Variants in TUBGCP5 observed in about 807,000 individuals in gnomAD.
TUBGCP5 encodes the protein gamma-tubulin complex component 5.
TUBGCP5 carries 98 observed loss-of-function variants against 134.7 expected under a neutral mutation model. The observed-to-expected ratio is 0.73, with a 90% CI of 0.62 to 0.86. The LOEUF (loss-of-function observed/expected upper bound fraction) is 0.86. TUBGCP5 is among the 40% of genes least tolerant of loss of function. The probability of loss-of-function intolerance (pLI) is 0.00; values close to 1 mark genes in which losing one functional copy is unlikely to be tolerated. For synonymous variants in TUBGCP5, 456 were observed against 431.4 expected (o/e 1.06, Z -0.71); for missense variants, 1,150 against 1,244.8 (o/e 0.92, Z 1.15).
intron 15 of TUBGCP5, among the ~76,000 whole-genome samples, chr15:23,009,413 C>A (rs540039471): frequency 6.6e-6 from 1 of 151,872 alleles, no homozygotes; most frequent in Admixed American, 6.6e-5. Flanking sequence ...GGACTACAGG[C>A]GCCCGGCACC....
In TUBGCP5 at chr15:23,004,097, T is replaced by C. The variant is rs373964520; in HGVS notation, c.2838+5A>G. On this transcript the variant is annotated splice_donor_5th_base_variant and intron_variant, in intron 20 of 22. Transcript: ENST00000615383. ...GGCCACATCTGCAGGAGACATCTCA[T>C]GTACCTTTTCTCTCAGCAGACACCG... 81 of 1,607,226 alleles carry C rather than the reference T, an allele frequency of 5.0e-5. No homozygotes were observed. The African/African-American group carries it at 9.4e-4, about 19-fold the overall frequency.
In TUBGCP5 at chr15:22,999,782, G is replaced by A. The variant is rs1218968116; in HGVS notation, c.*38C>T. On this transcript the variant is annotated 3_prime_UTR_variant, in exon 23 of 23. Transcript: ENST00000615383. ...GCACATGGTGGAAATGTACATGTAT[G>A]ATGACAAAGTCGGAGATATTTATTA... 2 of 1,600,726 alleles carry A rather than the reference G, an allele frequency of 1.2e-6. No homozygotes were observed. Among genetic ancestry groups the A allele is most frequent in the African/African-American group, 1.3e-5 (1 of 74,624 alleles).
Position 22,999,809 on chromosome 15 carries a change from G to T in TUBGCP5, c.*11C>A, listed in dbSNP as rs146068854. On this transcript the variant is annotated 3_prime_UTR_variant, in exon 23 of 23. Transcript: ENST00000615383. Reference sequence around the variant, plus strand: ...TGACAAAGTCGGAGATATTTATTACGCTGAAGACATTTAACTTTGTTCCAT... The same window carrying T: ...TGACAAAGTCGGAGATATTTATTACTCTGAAGACATTTAACTTTGTTCCAT... The T allele has an allele frequency of 3.1e-6, 5 of 1,612,158 alleles. No individual in the cohort carries two copies. Among genetic ancestry groups the T allele is most frequent in the East Asian group, 2.2e-5 (1 of 44,870 alleles).
chr15:23,009,853 A>G (rs2064933155), intron 15 of TUBGCP5, 92 bp downstream of exon 15: 2 of 1,175,984 alleles, frequency 1.7e-6, no homozygotes, highest in Non-Finnish European at 2.3e-6. Context: ...TTCCTACTCT[A>G]ATAAAAATTG....
At chr15:23,005,362 A>G in intron 19 of TUBGCP5, 70 bp downstream of exon 19, 1 of 1,514,426 alleles carries the variant, frequency 6.6e-7, no homozygotes, top group South Asian at 1.3e-5. Context: ...TAAACATAGT[A>G]TGAGTAATTC....
chr15:23,028,202 G>C (rs1377302786), intron 6 of TUBGCP5, among the ~76,000 whole-genome samples: 2 of 151,844 alleles, frequency 1.3e-5, no homozygotes, highest in Non-Finnish European at 2.9e-5. Flanking sequence ...AACATAGTGA[G>C]ACCTCATCTC....
chr15:23,032,715 T>C lies in TUBGCP5; in HGVS notation c.406+13A>G, dbSNP rs771697326. On this transcript the variant is annotated intron_variant, in intron 4 of 22. Transcript: ENST00000615383. ...CTTTTACTTCTCATATGTTAAGGAA[T>C]CTAGTAACATACCCACTTCTTTATT... 6.5e-7 allele frequency: 1 copy of C among 1,529,010 alleles called. No individual in the cohort carries two copies. Among genetic ancestry groups the C allele is most frequent in the South Asian group, 1.3e-5 (1 of 79,302 alleles). The allele number at this position is 1,529,010 out of a possible 1,614,324, so 94.7% of individuals were successfully genotyped here. A position where few individuals can be genotyped will look rare whatever the true frequency, so the allele number is the denominator to read the frequency against.
In TUBGCP5 at chr15:23,023,933, A is replaced by G. The variant is rs760764800; in HGVS notation, c.1168+14T>C. On this transcript the variant is annotated intron_variant, in intron 10 of 22. Coordinates refer to ENST00000615383, the MANE Select transcript of TUBGCP5 (RefSeq NM_052903.6). The stretch of plus-strand genomic sequence containing the variant: ...TTACGTGTAGTATGAGTAAAGATGA[A>G]GAACATTTAATACCATTATTGATGA... 6.2e-7 allele frequency: 1 copy of G among 1,612,168 alleles called. No individual in the cohort carries two copies. Among genetic ancestry groups the G allele is most frequent in the East Asian group, 2.2e-5 (1 of 44,862 alleles).
At chr15:23,022,418 A>AAT (rs1174481777) in intron 10 of TUBGCP5, among the ~76,000 whole-genome samples, 1 of 152,250 alleles carries the variant, frequency 6.6e-6, no homozygotes, top group Non-Finnish European at 1.5e-5. Context: ...AGTGATTCTA[A>AAT]AACATACAGA....
intron 3 of TUBGCP5, among the ~76,000 whole-genome samples, chr15:23,036,302 G>A (rs1024574839): frequency 9.2e-5 from 14 of 152,162 alleles, no homozygotes; most frequent in African/African-American, 3.1e-4. Context: ...GTCATATACT[G>A]TTACTGAGAG....
chr15:23,009,681 G>A (rs1412135670), intron 15 of TUBGCP5, among the ~76,000 whole-genome samples: 1 of 152,106 alleles, frequency 6.6e-6, no homozygotes. Context: ...GTAATTTAGT[G>A]TTTTTCATTC....
chr15:23,000,501 A>C (rs773441333), intron 22 of TUBGCP5, 68 bp downstream of exon 22: 1 of 1,568,730 alleles, frequency 6.4e-7, no homozygotes, highest in East Asian at 2.3e-5. Flanking sequence ...TCAGTAACAA[A>C]ACAATGACAC....
rs1567107402 is a variant in TUBGCP5 at position 23,005,567 on chromosome 15, A to G, written c.2577T>C (p.Leu859=). Reference sequence around the variant, plus strand: ...GAGCAACTGTGTCTTGTTCATGTATAAGGCCTTCTTTAAGTCGTGGTTTTT... The same window carrying G: ...GAGCAACTGTGTCTTGTTCATGTATGAGGCCTTCTTTAAGTCGTGGTTTTT... The part of the protein sequence containing the change: ...TAEKPRLKEG[L]IHEQDTVAQF... The change falls in exon 19 of 23, where the codon CTT becomes CTC. Residue 859 remains leucine (L), a synonymous_variant. Coordinates refer to ENST00000615383, the MANE Select transcript of TUBGCP5 (RefSeq NM_052903.6). The G allele has an allele frequency of 1.9e-6, 3 of 1,614,160 alleles. No homozygotes were observed. Among genetic ancestry groups the G allele is most frequent in the Non-Finnish European group, 2.5e-6 (3 of 1,180,024 alleles).
intron 8 of TUBGCP5, among the ~76,000 whole-genome samples, chr15:23,025,463 A>G (rs1366615943): frequency 6.6e-6 from 1 of 152,216 alleles, no homozygotes; most frequent in Non-Finnish European, 1.5e-5. Flanking sequence ...CAGTAGTAAC[A>G]GCACCATGTG....
At chr15:23,027,672 A>G (rs1052242722) in intron 6 of TUBGCP5, among the ~76,000 whole-genome samples, 2 of 151,996 alleles carry the variant, frequency 1.3e-5, no homozygotes, top group Non-Finnish European at 2.9e-5. Context: ...TGGTTGAGCC[A>G]AGAGGTTGAG....
intron 19 of TUBGCP5, 150 bp downstream of exon 19, chr15:23,005,282 C>T (rs2064635634): frequency 2.3e-6 from 2 of 875,406 alleles, no homozygotes; most frequent in Non-Finnish European, 3.4e-6. Flanking sequence ...ATTCCTCCCA[C>T]TGCCATGTTA....
In TUBGCP5 at chr15:23,004,143, A is replaced by C. The variant is rs1419271181; in HGVS notation, c.2797T>G (p.Tyr933Asp). ...LDQLIKIHYR[Y>D]LSTIHDRCLL... ...CACCGGTCATGGATGGTTGACAGAT[A>C]CCTATAGTGAATTTTAATCAATTGA... Residue 933 changes from tyrosine to aspartate, a missense_variant, in exon 20 of 23, where the codon TAT becomes GAT. By Grantham distance (160) the Tyr-to-Asp change is radical (BLOSUM62 -3). Coordinates refer to ENST00000615383, the MANE Select transcript of TUBGCP5 (RefSeq NM_052903.6). 6.2e-7 allele frequency: 1 copy of C among 1,613,526 alleles called. No individual in the cohort carries two copies. Among genetic ancestry groups the C allele is most frequent in the East Asian group, 2.2e-5 (1 of 44,844 alleles).
intron 7 of TUBGCP5, among the ~76,000 whole-genome samples, chr15:23,026,767 C>T (rs896893807): frequency 1.3e-5 from 2 of 151,710 alleles, no homozygotes; most frequent in African/African-American, 2.4e-5. Context: ...ACCCCATCTC[C>T]GCTAAAAATA....
At chr15:23,036,711 CTT>C (rs950384837) in intron 3 of TUBGCP5, among the ~76,000 whole-genome samples, 184 bp downstream of exon 3, 8 of 152,070 alleles carry the variant, frequency 5.3e-5, no homozygotes, top group Admixed American at 5.2e-4. Context: ...AAAACAAGCT[CTT>C]TCTTTCATCA....
Sources: gnomAD v4.1 joint callset for allele counts (sites outside exome capture counted in the v4.1 genomes callset) on GRCh38, gnomAD v4.1.1 for gene constraint, MANE v1.5 for transcripts, NCBI Gene and HGNC (gene_info 2026-07-23, HGNC 2026-07-21) for gene names.